The following SNX13 variants were observed in gnomAD, a reference collection of about 807,000 sequenced individuals.
SNX13 encodes the protein sorting nexin-13.
SNX13 carries 45 observed loss-of-function variants against 133.6 expected under a neutral mutation model. That is an observed-to-expected ratio of 0.34 (90% CI 0.27 to 0.43). The LOEUF is 0.43. Ranked by LOEUF, SNX13 falls within the 20% of genes least tolerant of loss-of-function variation. The pLI is 1.00. For missense variants in SNX13, 1,032 were observed against 1,145.1 expected, an observed-to-expected ratio of 0.90 and a Z score of 1.43; for synonymous variants, 414 against 373.9, an observed-to-expected ratio of 1.11 and a Z score of -1.24.
intron 20 of SNX13, among the ~76,000 whole-genome samples, chr7:17,805,250 T>TGCGCGCGC (rs1554304275): frequency 3.8e-4 from 36 of 95,594 alleles, no homozygotes; most frequent in Non-Finnish European, 5.8e-4. Context: ...TGTGTGTGTG[T>TGCGCGCGC]GCGTGCGCGC....
intron 11 of SNX13, among the ~76,000 whole-genome samples, chr7:17,848,787 C>T (rs1363320813): frequency 1.3e-5 from 2 of 152,248 alleles, no homozygotes; most frequent in Non-Finnish European, 2.9e-5. Flanking sequence ...CTCCCCACCA[C>T]AAAGAGTTGA....
At chr7:17,823,664 T>G (rs1014793012) in intron 17 of SNX13, among the ~76,000 whole-genome samples, 2 of 152,172 alleles carry the variant, frequency 1.3e-5, no homozygotes, top group Non-Finnish European at 2.9e-5. Flanking sequence ...TATTCACTGT[T>G]CACCTTGTCC....
At chr7:17,912,559 C>T (rs1799100754) in intron 1 of SNX13, among the ~76,000 whole-genome samples, 1 of 151,918 alleles carries the variant, frequency 6.6e-6, no homozygotes, top group African/African-American at 2.4e-5. Context: ...TACAGGCGCC[C>T]ACCACCACAC....
chr7:17,929,092 C>T (rs1279959181), intron 1 of SNX13, among the ~76,000 whole-genome samples: 1 of 151,786 alleles, frequency 6.6e-6, no homozygotes, highest in East Asian at 1.9e-4. Context: ...AGGGAATATA[C>T]CCTGAGAGAG....
chr7:17,849,604 T>C (rs1202331359), intron 11 of SNX13, among the ~76,000 whole-genome samples: 3 of 152,206 alleles, frequency 2.0e-5, no homozygotes, highest in Admixed American at 6.5e-5. Context: ...TAAGACCATA[T>C]ATGACCATAT....
At chr7:17,854,033 T>C (rs1791574595) in intron 9 of SNX13, among the ~76,000 whole-genome samples, 1 of 151,032 alleles carries the variant, frequency 6.6e-6, no homozygotes, top group African/African-American at 2.4e-5. Context: ...TAAAGAAAAA[T>C]GACAACAAAA....
intron 1 of SNX13, chr7:17,899,655 A>G (rs1035501089): frequency 2.0e-5 from 3 of 151,890 alleles, no homozygotes; most frequent in South Asian, 2.1e-4. Flanking sequence ...GATTCTATTT[A>G]TTATTTTAAT....
intron 5 of SNX13, chr7:17,882,678 A>T: frequency 2.1e-6 from 1 of 480,398 alleles, no homozygotes; most frequent in Middle Eastern, 4.1e-4. Context: ...GGAGTATGTT[A>T]GTGTGTGTTT....
intron 3 of SNX13, among the ~76,000 whole-genome samples, chr7:17,892,996 T>C (rs1796797495): frequency 6.6e-6 from 1 of 152,178 alleles, no homozygotes; most frequent in Non-Finnish European, 1.5e-5. Context: ...ATTTATTTCA[T>C]TCAAACCAGA....
intron 1 of SNX13, among the ~76,000 whole-genome samples, chr7:17,915,385 G>A (rs1185454237): frequency 1.3e-5 from 2 of 152,176 alleles, no homozygotes; most frequent in African/African-American, 4.8e-5. Flanking sequence ...GGGCGGCACT[G>A]GGGAGGTCAC....
chr7:17,825,295 T>TAGACC (rs1270349384), intron 17 of SNX13, among the ~76,000 whole-genome samples: 1 of 150,540 alleles, frequency 6.6e-6, no homozygotes, highest in Non-Finnish European at 1.5e-5. Flanking sequence ...TAGACTAGAC[T>TAGACC]AGACTAGACT....
intron 9 of SNX13, among the ~76,000 whole-genome samples, chr7:17,860,577 T>C (rs1792555776): frequency 6.6e-6 from 1 of 152,228 alleles, no homozygotes; most frequent in South Asian, 2.1e-4. Flanking sequence ...TTCCCTTACA[T>C]ATTCTTCTAG....
In SNX13 at chr7:17,793,941, T is replaced by A; in HGVS notation, c.*104A>T. The A allele has an allele frequency of 7.7e-7, 1 of 1,302,192 alleles. No homozygotes were observed. The highest frequency in any genetic ancestry group is 1.5e-5 in the South Asian group (1 of 65,722). The allele number at this position is 1,302,192 out of a possible 1,614,324, so 80.7% of individuals were successfully genotyped here. On this transcript the variant is annotated 3_prime_UTR_variant, in exon 26 of 26. Transcript: ENST00000428135. ...GTATTAATAATCTATTTTGAGACAC[T>A]AAAAGACTGGTGCAGACACAACAGT...
chr7:17,794,399 T>C (rs1783833782), intron 25 of SNX13, 107 bp from the exon 26 acceptor site: 2 of 1,330,168 alleles, frequency 1.5e-6, no homozygotes, highest in Non-Finnish European at 2.0e-6. Flanking sequence ...TGATGAACAG[T>C]AGGTAACCAG....
At position 17,831,310 on chromosome 7, in the gene SNX13, T is replaced by A. The variant is rs566434293; in HGVS notation, c.1598-1263A>T. 6 of 934,184 alleles carry A rather than the reference T, an allele frequency of 6.4e-6. No homozygotes were observed. The African/African-American group carries it at 8.9e-5, about 14-fold the overall frequency. 57.9% of individuals were successfully genotyped at this position (934,184 alleles called of 1,614,324 possible). On this transcript the variant is annotated intron_variant, in intron 15 of 25. Transcript: ENST00000428135. ...CATGGTGAGACAAATAATGTTGAGA[T>A]TAAAATTTAAAAAGGAAAGCATAAT...
intron 8 of SNX13, among the ~76,000 whole-genome samples, chr7:17,870,512 T>C (rs1476548764): frequency 1.3e-5 from 2 of 152,160 alleles, no homozygotes; most frequent in African/African-American, 4.8e-5. Flanking sequence ...AGAAATTTAT[T>C]TTAAAAAAAT....
At chr7:17,824,217 T>G (rs1351772684) in intron 17 of SNX13, among the ~76,000 whole-genome samples, 1 of 152,122 alleles carries the variant, frequency 6.6e-6, no homozygotes, top group African/African-American at 2.4e-5. Context: ...TCAACTCCAT[T>G]ACTAATCATA....
intron 2 of SNX13, among the ~76,000 whole-genome samples, chr7:17,894,731 A>C (rs976728132): frequency 1.3e-5 from 2 of 152,208 alleles, no homozygotes; most frequent in African/African-American, 4.8e-5. Context: ...TAATGATCTT[A>C]TAGTAATGTT....
chr7:17,855,685 G>A (rs1791795169), intron 9 of SNX13, among the ~76,000 whole-genome samples: 1 of 152,192 alleles, frequency 6.6e-6, no homozygotes. Context: ...CACTTACAAA[G>A]AGATTCCTTT....
Sources: gnomAD v4.1 joint callset for allele counts (sites outside exome capture counted in the v4.1 genomes callset) on GRCh38, gnomAD v4.1.1 for gene constraint, MANE v1.5 for transcripts, NCBI Gene and HGNC (gene_info 2026-07-23, HGNC 2026-07-21) for gene names.